Variants in POLR3B observed in about 807,000 individuals in gnomAD.
POLR3B encodes RNA polymerase III subunit B.
A neutral mutation model predicts 147.4 loss-of-function variants in POLR3B; 96 were observed. The ratio of observed to expected loss-of-function variants is 0.65; its 90% CI spans 0.55 to 0.77. The LOEUF (loss-of-function observed/expected upper bound fraction) is 0.77. Among genes scored for constraint, POLR3B ranks in the 30% least tolerant of loss-of-function variants. The pLI, the probability that POLR3B is intolerant of heterozygous loss-of-function variation, is 0.00. For synonymous variants in POLR3B, 461 were observed against 485.9 expected, an observed-to-expected ratio of 0.95 and a Z score of 0.67; for missense variants, 1,036 against 1,413.5, an observed-to-expected ratio of 0.73 and a Z score of 4.28.
At chr12:106,484,259 G>T (rs190600681) in intron 23 of POLR3B, among the ~76,000 whole-genome samples, 1 of 152,154 alleles carries the variant, frequency 6.6e-6, no homozygotes, top group African/African-American at 2.4e-5. Context: ...TCCGGTAAAC[G>T]ATGGCACCAA....
chr12:106,472,451 A>G (rs1385153336), intron 23 of POLR3B, among the ~76,000 whole-genome samples: 6 of 147,720 alleles, frequency 4.1e-5, no homozygotes, highest in Non-Finnish European at 9.1e-5. Context: ...GACTTCCACA[A>G]TGGTTGAACT....
At chr12:106,456,238 CAT>C (rs2037861713) in intron 20 of POLR3B, among the ~76,000 whole-genome samples, 1 of 152,086 alleles carries the variant, frequency 6.6e-6, no homozygotes, top group Non-Finnish European at 1.5e-5. Flanking sequence ...CTCTACAACT[CAT>C]GGATTTTTTC....
At chr12:106,433,162 C>G (rs2037532392) in intron 15 of POLR3B, among the ~76,000 whole-genome samples, 1 of 152,188 alleles carries the variant, frequency 6.6e-6, no homozygotes, top group Non-Finnish European at 1.5e-5. Context: ...AGAGCCTCAG[C>G]AGGGCTGTTA....
intron 13 of POLR3B, 130 bp downstream of exon 13, chr12:106,427,488 A>G: frequency 1.2e-6 from 1 of 853,930 alleles, no homozygotes; most frequent in South Asian, 1.5e-5. Flanking sequence ...CAAAGCACAA[A>G]TTTCTACTTT....
chr12:106,416,731 GCA>G (rs1399937684), intron 12 of POLR3B, among the ~76,000 whole-genome samples: 1 of 152,148 alleles, frequency 6.6e-6, no homozygotes, highest in Non-Finnish European at 1.5e-5. Context: ...GAATTCATAA[GCA>G]CAGTTTCCTC....
chr12:106,486,370 T>C (rs550320289), intron 23 of POLR3B, among the ~76,000 whole-genome samples: 23 of 145,548 alleles, frequency 1.6e-4, no homozygotes, highest in Admixed American at 8.2e-4. Context: ...TACAGCTTGG[T>C]GCTGGCAGAG....
chr12:106,463,132 T>G (rs2037962715), intron 22 of POLR3B, among the ~76,000 whole-genome samples: 1 of 151,852 alleles, frequency 6.6e-6, no homozygotes, highest in Non-Finnish European at 1.5e-5. Context: ...GAACTAGGAG[T>G]TGAGTCTGAA....
At chr12:106,475,262 G>T (rs1193834888) in intron 23 of POLR3B, among the ~76,000 whole-genome samples, 2 of 118,120 alleles carry the variant, frequency 1.7e-5, no homozygotes, top group South Asian at 5.0e-4. Context: ...CTTTTACATT[G>T]GCTGAGGAGA....
At chr12:106,460,472 C>T (rs2037918751) in intron 22 of POLR3B, among the ~76,000 whole-genome samples, 1 of 152,172 alleles carries the variant, frequency 6.6e-6, no homozygotes, top group Non-Finnish European at 1.5e-5. Context: ...TGCAATCTGG[C>T]TTCAGAGCGC....
intron 23 of POLR3B, among the ~76,000 whole-genome samples, chr12:106,484,238 T>A (rs908487247): frequency 9.2e-5 from 14 of 152,200 alleles, no homozygotes; most frequent in Non-Finnish European, 1.8e-4. Flanking sequence ...CCACGGGGAC[T>A]GTGGTTTTAA....
chr12:106,380,025 T>A lies in POLR3B; in HGVS notation c.615-6T>A. 6.3e-7 allele frequency: 1 copy of A among 1,585,500 alleles called. No individual in the cohort carries two copies. Among genetic ancestry groups the A allele is most frequent in the Non-Finnish European group, 8.7e-7 (1 of 1,154,428 alleles). On this transcript the variant is annotated splice_region_variant and splice_polypyrimidine_tract_variant and intron_variant, in intron 8 of 27. Coordinates refer to ENST00000228347, the MANE Select transcript of POLR3B (RefSeq NM_018082.6). Reference sequence around the variant, plus strand: ...TGCAGTTTAACCAACTTGTATTTACTCATAGCTCTACCCATGAGAAAAAAA... The same window carrying A: ...TGCAGTTTAACCAACTTGTATTTACACATAGCTCTACCCATGAGAAAAAAA...
chr12:106,418,635 T>C (rs751765316), intron 12 of POLR3B, among the ~76,000 whole-genome samples: 7 of 152,202 alleles, frequency 4.6e-5, no homozygotes, highest in South Asian at 2.1e-4. Flanking sequence ...GCTGTCAGCA[T>C]TTTTCCCTGA....
intron 10 of POLR3B, among the ~76,000 whole-genome samples, chr12:106,395,409 C>G (rs1053384236): frequency 3.3e-5 from 5 of 151,904 alleles, no homozygotes; most frequent in African/African-American, 1.2e-4. Context: ...AGCAAGAGAG[C>G]GTGAGGGAGG....
chr12:106,509,294 C>A lies in POLR3B; in HGVS notation c.3273-126C>A, dbSNP rs186884156. 1.0e-3 allele frequency: 1,034 copies of A among 1,010,738 alleles called. 4 individuals are homozygous for A. Among genetic ancestry groups the A allele is most frequent in the Non-Finnish European group, 1.4e-3 (898 of 647,352 alleles). The allele number at this position is 1,010,738 out of a possible 1,614,324, so 62.6% of individuals were successfully genotyped here. On this transcript the variant is annotated intron_variant, in intron 27 of 27. Transcript: ENST00000228347. ...ACTTATATGATAGTGCAACTGAACA[C>A]TTAGGAATAGAAAGATAATTTGATA...
intron 16 of POLR3B, among the ~76,000 whole-genome samples, chr12:106,435,573 T>TA (rs1463095246): frequency 6.6e-6 from 1 of 152,230 alleles, no homozygotes; most frequent in Non-Finnish European, 1.5e-5. Context: ...ACTTCCCACT[T>TA]ACTGAGTTGT....
chr12:106,477,854 C>T (rs983754648), intron 23 of POLR3B, among the ~76,000 whole-genome samples: 12 of 140,312 alleles, frequency 8.6e-5, no homozygotes, highest in East Asian at 6.8e-4. Flanking sequence ...GAGCTGTAGA[C>T]GGGAGCTGTT....
chr12:106,371,707 T>C (rs1259106474), intron 6 of POLR3B, among the ~76,000 whole-genome samples: 5 of 142,220 alleles, frequency 3.5e-5, no homozygotes, highest in Admixed American at 2.2e-4. Context: ...CCAAACACCG[T>C]ATATTCTCAC....
chr12:106,493,472 A>C (rs565587032), intron 23 of POLR3B, among the ~76,000 whole-genome samples: 1 of 152,228 alleles, frequency 6.6e-6, no homozygotes, highest in Non-Finnish European at 1.5e-5. Flanking sequence ...GTAAAATACA[A>C]ACTTTTAAAA....
intron 10 of POLR3B, 148 bp from the exon 11 acceptor site, chr12:106,405,709 T>C: frequency 1.3e-6 from 1 of 749,046 alleles, no homozygotes; most frequent in Non-Finnish European, 2.3e-6. Flanking sequence ...TGATTTATGA[T>C]AAACGTTGAT....
Sources: allele counts gnomAD v4.1 joint callset (sites outside exome capture counted in the v4.1 genomes callset), GRCh38; gene constraint gnomAD v4.1.1; transcripts MANE v1.5; gene names NCBI Gene and HGNC (gene_info 2026-07-23, HGNC 2026-07-21).